The following STK24 variants were observed in gnomAD, a reference collection of about 807,000 sequenced individuals.
STK24 encodes serine/threonine kinase 24.
Under a neutral mutation model 55.6 loss-of-function variants are expected in STK24, and 21 were observed. That is an observed-to-expected ratio of 0.38 (90% CI 0.27 to 0.54). STK24 has a LOEUF of 0.54. Among genes scored for constraint, STK24 ranks in the 20% least tolerant of loss-of-function variants. The pLI, the probability that STK24 is intolerant of heterozygous loss-of-function variation, is 0.79. For synonymous variants in STK24, 200 were observed against 215.2 expected (o/e 0.93, Z 0.62); for missense variants, 383 against 538.4 (o/e 0.71, Z 2.86).
At chr13:98,503,800 CACTA>C (rs1470112391) in intron 2 of STK24, among the ~76,000 whole-genome samples, 5 of 152,128 alleles carry the variant, frequency 3.3e-5, no homozygotes, top group Admixed American at 2.6e-4. Context: ...TTTAAAACTG[CACTA>C]ACTGTCATAA....
At chr13:98,530,103 ATACACACACACACG>A (rs957492517) in intron 1 of STK24, among the ~76,000 whole-genome samples, 14 of 45,548 alleles carry the variant, frequency 3.1e-4, no homozygotes, top group Admixed American at 2.1e-3. Flanking sequence ...ACACACAGAT[ATACACACACACACG>A]CACACACACA....
chr13:98,516,855 A>G (rs1034880317), intron 2 of STK24, among the ~76,000 whole-genome samples: 13 of 152,240 alleles, frequency 8.5e-5, no homozygotes, highest in Non-Finnish European at 1.9e-4. Flanking sequence ...TGACGTTACA[A>G]TAACTAAACA....
chr13:98,494,825 A>T (rs1895184673), intron 2 of STK24, among the ~76,000 whole-genome samples: 1 of 152,178 alleles, frequency 6.6e-6, no homozygotes, highest in African/African-American at 2.4e-5. Flanking sequence ...ATGCAAATCC[A>T]AGGGCACCCG....
At chr13:98,468,677 G>C (rs1894013239) in intron 5 of STK24, among the ~76,000 whole-genome samples, 1 of 152,180 alleles carries the variant, frequency 6.6e-6, no homozygotes, top group African/African-American at 2.4e-5. Flanking sequence ...TGTTTTCAAA[G>C]CATGCTGTCT....
intron 2 of STK24, among the ~76,000 whole-genome samples, chr13:98,518,615 T>C (rs1288101032): frequency 6.6e-6 from 1 of 152,252 alleles, no homozygotes; most frequent in African/African-American, 2.4e-5. Context: ...TGTTCTACGA[T>C]GTCTAAAATG....
intron 2 of STK24, among the ~76,000 whole-genome samples, chr13:98,507,402 C>T (rs905527159): frequency 4.6e-5 from 7 of 152,152 alleles, no homozygotes; most frequent in South Asian, 2.1e-4. Context: ...ACAGGGCCAA[C>T]GCTTCACACT....
At chr13:98,540,585 T>TAC (rs1896859465) in intron 1 of STK24, among the ~76,000 whole-genome samples, 1 of 152,078 alleles carries the variant, frequency 6.6e-6, no homozygotes, top group African/African-American at 2.4e-5. Flanking sequence ...TTTCATGATT[T>TAC]ACCTAAACTT....
At chr13:98,508,167 GA>G (rs146171051) in intron 2 of STK24, among the ~76,000 whole-genome samples, 41 of 151,470 alleles carry the variant, frequency 2.7e-4, no homozygotes, top group African/African-American at 8.0e-4. Context: ...GCTAATAGAA[GA>G]AAAAAAATAA....
intron 2 of STK24, among the ~76,000 whole-genome samples, chr13:98,506,271 G>A (rs192732535): frequency 1.3e-5 from 2 of 152,334 alleles, no homozygotes; most frequent in Non-Finnish European, 2.9e-5. Flanking sequence ...CGGACCCTGT[G>A]CTAGGATGCA....
rs1892755189 is a variant in STK24 at position 98,445,317 on chromosome 13, G to A, written c.*7856C>T. 6.6e-6 allele frequency: 1 copy of A among 152,298 alleles called. No homozygotes were observed. Among genetic ancestry groups the A allele is most frequent in the African/African-American group, 2.4e-5 (1 of 41,464 alleles). The allele number at this position is 152,298 out of a possible 1,614,324, so 9.4% of individuals were successfully genotyped here. ...GGTGCAACTGCTTTGAGTCTCTGCT[G>A]GTGATGTCACTTTGGCAAAGGGACG... is the stretch of plus-strand genomic sequence containing the variant. On this transcript the variant is annotated 3_prime_UTR_variant, in exon 11 of 11. Transcript: ENST00000539966.
chr13:98,490,124 G>C (rs764127759), intron 2 of STK24, among the ~76,000 whole-genome samples: 14 of 152,254 alleles, frequency 9.2e-5, no homozygotes, highest in South Asian at 8.3e-4. Context: ...GGTAGGGGAG[G>C]GAGTGGAGAT....
Position 98,446,717 on chromosome 13 carries a change from C to T in STK24, c.*6456G>A. The T allele has an allele frequency of 6.2e-7, 1 of 1,614,164 alleles. No individual in the cohort carries two copies. Among genetic ancestry groups the T allele is most frequent in the Non-Finnish European group, 8.5e-7 (1 of 1,180,016 alleles). The stretch of plus-strand genomic sequence containing the variant: ...TCTGCTCGGCTACTCGCTCACCATC[C>T]CCTCTGAGTCCGAGAACATCCAGAA... On this transcript the variant is annotated 3_prime_UTR_variant, in exon 11 of 11. Transcript: ENST00000539966.
chr13:98,509,043 T>A (rs1318701656), intron 2 of STK24: 1 of 152,224 alleles, frequency 6.6e-6, no homozygotes, highest in Admixed American at 6.5e-5. Context: ...CACCCTTTTT[T>A]AGTTTCACAA....
chr13:98,446,747 T>C lies in STK24; in HGVS notation c.*6426A>G. 6.2e-7 allele frequency: 1 copy of C among 1,614,168 alleles called. No homozygotes were observed. The highest frequency in any genetic ancestry group is 8.5e-7 in the Non-Finnish European group (1 of 1,180,024). On this transcript the variant is annotated 3_prime_UTR_variant, in exon 11 of 11. Coordinates refer to ENST00000539966, the MANE Select transcript of STK24 (RefSeq NM_001032296.4). Reference sequence around the variant, plus strand: ...TGAGTCCGAGAACATCCAGAAAGACTACGTGTTCAAGCTGCACTTCAAGTC... The same window carrying C: ...TGAGTCCGAGAACATCCAGAAAGACCACGTGTTCAAGCTGCACTTCAAGTC...
intron 3 of STK24, among the ~76,000 whole-genome samples, chr13:98,478,087 G>T (rs781019828): frequency 6.6e-6 from 1 of 152,188 alleles, no homozygotes; most frequent in Non-Finnish European, 1.5e-5. Flanking sequence ...AAGGGTATTC[G>T]GCTGCTGTCT....
chr13:98,547,766 G>A (rs1420347771), intron 1 of STK24, among the ~76,000 whole-genome samples: 8 of 152,096 alleles, frequency 5.3e-5, no homozygotes, highest in Admixed American at 3.9e-4. Flanking sequence ...AGTAAACTTC[G>A]CCTTATTACC....
intron 7 of STK24, 79 bp from the exon 8 acceptor site, chr13:98,461,976 G>A (rs182541367): frequency 2.7e-5 from 42 of 1,563,260 alleles, no homozygotes; most frequent in East Asian, 2.0e-4. Flanking sequence ...GGGGGAGGCC[G>A]CCTGGGGACC....
At chr13:98,476,246 C>CCCA (rs1894370353) in intron 3 of STK24, among the ~76,000 whole-genome samples, 2 of 138,984 alleles carry the variant, frequency 1.4e-5, no homozygotes, top group South Asian at 4.5e-4. Context: ...GGAAGCCCCC[C>CCCA]CCCGCCCCCT....
intron 1 of STK24, among the ~76,000 whole-genome samples, chr13:98,539,049 C>G (rs1015541056): frequency 6.6e-6 from 1 of 152,194 alleles, no homozygotes; most frequent in Non-Finnish European, 1.5e-5. Context: ...CCAGACCTGA[C>G]ATCCAGCTGT....
Sources: allele counts gnomAD v4.1 joint callset (sites outside exome capture counted in the v4.1 genomes callset), GRCh38; gene constraint gnomAD v4.1.1; transcripts MANE v1.5; gene names NCBI Gene and HGNC (gene_info 2026-07-23, HGNC 2026-07-21).